CSNK1G1: variants seen among roughly 807,000 people sequenced by gnomAD.
CSNK1G1 encodes the protein casein kinase 1 gamma 1.
Under a neutral mutation model 59.6 loss-of-function variants are expected in CSNK1G1, and 22 were observed. The ratio of observed to expected loss-of-function variants is 0.37; its 90% confidence interval spans 0.26 to 0.53. CSNK1G1 has a LOEUF of 0.53. Ranked by LOEUF, CSNK1G1 falls within the 20% of genes least tolerant of loss-of-function variation. The probability of loss-of-function intolerance (pLI) is 0.89; values close to 1 mark genes in which losing one functional copy is unlikely to be tolerated. For missense variants in CSNK1G1, 384 were observed against 519.5 expected (o/e 0.74, Z 2.54); for synonymous variants, 179 against 177.1 (o/e 1.01, Z -0.08).
intron 4 of CSNK1G1, among the ~76,000 whole-genome samples, chr15:64,229,143 C>G (rs1247595448): frequency 6.6e-6 from 1 of 151,920 alleles, no homozygotes; most frequent in East Asian, 1.9e-4. Flanking sequence ...TAGTATTCCA[C>G]CATGTAACAT....
intron 4 of CSNK1G1, among the ~76,000 whole-genome samples, chr15:64,236,991 C>G (rs1409984234): frequency 6.6e-6 from 1 of 152,054 alleles, no homozygotes; most frequent in Non-Finnish European, 1.5e-5. Context: ...TTTGCAGCAA[C>G]AAGTATGGAA....
chr15:64,279,792 T>C (rs1894018683), intron 2 of CSNK1G1, among the ~76,000 whole-genome samples: 1 of 151,722 alleles, frequency 6.6e-6, no homozygotes, highest in Non-Finnish European at 1.5e-5. Flanking sequence ...GCCAACATAG[T>C]GAAATCCCAT....
At chr15:64,241,456 T>C (rs1037322834) in intron 4 of CSNK1G1, among the ~76,000 whole-genome samples, 11 of 152,198 alleles carry the variant, frequency 7.2e-5, no homozygotes, top group Non-Finnish European at 1.6e-4. Flanking sequence ...TTAGACCAAA[T>C]AGACCTAACA....
intron 4 of CSNK1G1, among the ~76,000 whole-genome samples, chr15:64,241,970 A>C (rs1284355715): frequency 1.3e-5 from 2 of 152,154 alleles, no homozygotes; most frequent in African/African-American, 2.4e-5. Flanking sequence ...TAGACTAACC[A>C]AGAAAAAAAT....
intron 1 of CSNK1G1, among the ~76,000 whole-genome samples, chr15:64,306,736 C>T (rs975667820): frequency 1.3e-5 from 2 of 152,124 alleles, no homozygotes; most frequent in African/African-American, 2.4e-5. Flanking sequence ...CTAAGATTTC[C>T]TTCAATAGGT....
At position 64,214,321 on chromosome 15, in the gene CSNK1G1, A is replaced by C. The variant is rs1360463945; in HGVS notation, c.445-197T>G. ...ATAAATACGTACACAACAAATATCAAGACTAGGAAAAAAAGTGGGATAGTA... is the reference window on the plus strand; with the variant it reads ...ATAAATACGTACACAACAAATATCACGACTAGGAAAAAAAGTGGGATAGTA... On this transcript the variant is annotated intron_variant, in intron 5 of 11. Transcript: ENST00000303052. This position sits in a 1 kb window ranked among gnomAD's most constrained non-coding sequence, Gnocchi z 4.3. Among the ~76,000 whole-genome samples the C allele has an allele frequency of 6.6e-6, 1 of 152,244 alleles. No individual in the cohort carries two copies. The highest frequency in any genetic ancestry group is 2.4e-5 in the African/African-American group (1 of 41,468).
intron 3 of CSNK1G1, among the ~76,000 whole-genome samples, chr15:64,252,107 T>A (rs1892118921): frequency 6.6e-6 from 1 of 151,330 alleles, no homozygotes; most frequent in South Asian, 2.1e-4. Context: ...TATTTATTTA[T>A]CTATATATGT....
At chr15:64,225,362 AG>A (rs2082445693) in intron 4 of CSNK1G1, among the ~76,000 whole-genome samples, 2 of 152,186 alleles carry the variant, frequency 1.3e-5, no homozygotes, top group South Asian at 4.2e-4. Flanking sequence ...TCCACAACCA[AG>A]TCATAACAGG....
intron 1 of CSNK1G1, among the ~76,000 whole-genome samples, chr15:64,327,179 A>C (rs1896893760): frequency 6.6e-6 from 1 of 152,218 alleles, no homozygotes; most frequent in Non-Finnish European, 1.5e-5. Context: ...ACCACACCTC[A>C]AGGAGGCCTG....
chr15:64,229,475 A>G (rs2082511290), intron 4 of CSNK1G1, among the ~76,000 whole-genome samples: 1 of 151,988 alleles, frequency 6.6e-6, no homozygotes, highest in African/African-American at 2.4e-5. Context: ...CAACTCTAGG[A>G]CTTTTGTGGA....
intron 1 of CSNK1G1, among the ~76,000 whole-genome samples, chr15:64,327,029 A>G (rs1048367684): frequency 4.6e-5 from 7 of 151,072 alleles, no homozygotes; most frequent in African/African-American, 7.3e-5. Context: ...TCCTACGCCC[A>G]CGGAATCTCG....
At position 64,278,421 on chromosome 15, in the gene CSNK1G1, TA is replaced by T. The variant is rs1566931000; in HGVS notation, c.182-19181del. Among the ~76,000 whole-genome samples, 189 of 86,872 alleles carry T rather than the reference TA, an allele frequency of 2.2e-3. 3 individuals are homozygous for T. Among genetic ancestry groups the T allele is most frequent in the African/African-American group, 0.011 (181 of 15,832 alleles). 57.0% of individuals were successfully genotyped at this position (86,872 alleles called of 152,430 possible). A position where few individuals can be genotyped will look rare whatever the true frequency, so the allele number is the denominator to read the frequency against. On this transcript the variant is annotated intron_variant, in intron 2 of 11. Transcript: ENST00000303052. ...GTGTGTGTGTGTGTGTGTGTGTGTA[TA>T]TATATATATATTTTTTTTTTTTTGG...
intron 10 of CSNK1G1, among the ~76,000 whole-genome samples, chr15:64,201,630 C>A (rs1269599711): frequency 6.6e-6 from 1 of 151,302 alleles, no homozygotes; most frequent in African/African-American, 2.4e-5. Context: ...TTTTTCTTAC[C>A]CACCAAACCA....
chr15:64,278,420 A>C, intron 2 of CSNK1G1, among the ~76,000 whole-genome samples: 1 of 65,248 alleles, frequency 1.5e-5, no homozygotes, highest in South Asian at 5.2e-4. Flanking sequence ...GTGTGTGTGT[A>C]TATATATATA....
chr15:64,220,384 C>T (rs2082371740), intron 4 of CSNK1G1, among the ~76,000 whole-genome samples: 1 of 152,126 alleles, frequency 6.6e-6, no homozygotes, highest in South Asian at 2.1e-4. Flanking sequence ...CATGAGCCAC[C>T]ATGCCTGGCC....
intron 3 of CSNK1G1, among the ~76,000 whole-genome samples, chr15:64,252,634 C>A (rs1473087444): frequency 6.6e-6 from 1 of 152,116 alleles, no homozygotes; most frequent in Non-Finnish European, 1.5e-5. Context: ...ATATTATGAA[C>A]AATGCTTTTA....
chr15:64,174,024 C>T (rs1385952991), intron 11 of CSNK1G1, among the ~76,000 whole-genome samples: 1 of 152,144 alleles, frequency 6.6e-6, no homozygotes, highest in African/African-American at 2.4e-5. Flanking sequence ...AATAGACTTA[C>T]CTCTTTTCTT....
rs548727387 is a variant in CSNK1G1 at position 64,185,770 on chromosome 15, G to A, written c.1108-5316C>T. ...TCCCAGCTGCTCTAGAGGCTGACAG[G>A]AGAATCGCTTGAACCCGGGAAACAG... On this transcript the variant is annotated intron_variant, in intron 10 of 11. Transcript: ENST00000303052. Among the ~76,000 whole-genome samples the A allele has an allele frequency of 7.3e-5, 11 of 151,052 alleles. No individual in the cohort carries two copies. In the South Asian group the frequency reaches 2.3e-3, roughly 32 times the overall value.
intron 2 of CSNK1G1, among the ~76,000 whole-genome samples, chr15:64,272,349 G>A (rs1414957490): frequency 6.6e-6 from 1 of 151,986 alleles, no homozygotes; most frequent in Non-Finnish European, 1.5e-5. Context: ...CTCAGTAGCT[G>A]GGATTACAGG....
Sources: gnomAD v4.1 joint callset for allele counts (sites outside exome capture counted in the v4.1 genomes callset) on GRCh38, gnomAD v4.1.1 for gene constraint, Gnocchi (gnomAD v3.1) non-coding constraint, MANE v1.5 for transcripts, NCBI Gene and HGNC (gene_info 2026-07-23, HGNC 2026-07-21) for gene names.